Variants in HIBADH observed in about 807,000 individuals in gnomAD.
The protein encoded by HIBADH is 3-hydroxyisobutyrate dehydrogenase, mitochondrial.
In HIBADH, 25 loss-of-function variants were observed where a neutral mutation model predicts 36.1. The observed-to-expected ratio is 0.69, with a 90% CI of 0.50 to 0.97. The LOEUF (loss-of-function observed/expected upper bound fraction) is 0.97. Ranked by LOEUF, HIBADH falls within the 50% of genes least tolerant of loss-of-function variation. The pLI, the probability that HIBADH is intolerant of heterozygous loss-of-function variation, is 0.00. For missense variants in HIBADH, 421 were observed against 418.0 expected (o/e 1.01, Z -0.06); for synonymous variants, 160 against 149.5 (o/e 1.07, Z -0.51).
intron 7 of HIBADH, 76 bp from the exon 8 acceptor site, chr7:27,526,448 G>A: frequency 2.5e-6 from 3 of 1,203,456 alleles, no homozygotes; most frequent in Non-Finnish European, 2.2e-6. Flanking sequence ...CTTATGTTTT[G>A]GTTTGAAAGA....
intron 4 of HIBADH, among the ~76,000 whole-genome samples, chr7:27,579,143 C>A (rs1192271584): frequency 6.6e-6 from 1 of 152,056 alleles, no homozygotes; most frequent in Non-Finnish European, 1.5e-5. Context: ...ATTTGGGGGA[C>A]AACTGAGAAA....
intron 7 of HIBADH, among the ~76,000 whole-genome samples, chr7:27,527,061 T>C (rs112732276): frequency 1.1e-4 from 1 of 9,174 alleles, no homozygotes; most frequent in Non-Finnish European, 1.6e-4. Context: ...TGGCAGACAA[T>C]GTGACAGCAA....
chr7:27,568,223 A>G (rs1470505356), intron 4 of HIBADH, among the ~76,000 whole-genome samples: 6 of 152,192 alleles, frequency 3.9e-5, no homozygotes, highest in Non-Finnish European at 7.3e-5. Flanking sequence ...GGTAAAGCAG[A>G]TCAACTGGAG....
chr7:27,641,319 C>G (rs1277627076), intron 2 of HIBADH, among the ~76,000 whole-genome samples: 1 of 152,208 alleles, frequency 6.6e-6, no homozygotes, highest in Non-Finnish European at 1.5e-5. Context: ...TTTCTGCAAT[C>G]TTGGTGGGGT....
At chr7:27,610,637 C>T (rs575230451) in intron 4 of HIBADH, among the ~76,000 whole-genome samples, 2 of 152,040 alleles carry the variant, frequency 1.3e-5, no homozygotes, top group African/African-American at 4.8e-5. Context: ...TTCTGATAGC[C>T]CTTCCCCCTC....
At chr7:27,593,663 C>T (rs949739599) in intron 4 of HIBADH, among the ~76,000 whole-genome samples, 1 of 151,796 alleles carries the variant, frequency 6.6e-6, no homozygotes, top group African/African-American at 2.4e-5. Context: ...GAAGTATTAA[C>T]CAAATGTTTA....
chr7:27,563,559 A>C (rs567761605), intron 4 of HIBADH, among the ~76,000 whole-genome samples: 1 of 152,356 alleles, frequency 6.6e-6, no homozygotes, highest in South Asian at 2.1e-4. Context: ...ATCAGCACTT[A>C]AACTGTTGTA....
chr7:27,530,302 T>A (rs941289765), intron 7 of HIBADH, among the ~76,000 whole-genome samples: 8 of 151,966 alleles, frequency 5.3e-5, no homozygotes, highest in Admixed American at 5.3e-4. Flanking sequence ...ACCTCCCGGG[T>A]TCAAGCGATT....
At chr7:27,595,592 G>T (rs1051155168) in intron 4 of HIBADH, among the ~76,000 whole-genome samples, 93 of 147,798 alleles carry the variant, frequency 6.3e-4, no homozygotes, top group African/African-American at 2.2e-3. Flanking sequence ...GTGTGTGTGT[G>T]TGTGTGTGTG....
At chr7:27,549,653 G>T (rs528645057) in intron 4 of HIBADH, among the ~76,000 whole-genome samples, 1 of 152,156 alleles carries the variant, frequency 6.6e-6, no homozygotes, top group East Asian at 1.9e-4. Flanking sequence ...CAAAAATAGT[G>T]ACCTTTTTTC....
Position 27,600,414 on chromosome 7 carries a change from T to G in HIBADH, c.484+28957A>C, listed in dbSNP as rs11972463. 7.0e-3 allele frequency among the ~76,000 whole-genome samples: 1,066 copies of G among 152,130 alleles called. 11 individuals carry two copies. Among genetic ancestry groups the G allele is most frequent in the African/African-American group, 0.024 (1,005 of 41,500 alleles). ...ACAACCCACTAAAGGTCTTTGCCAATCCAACCAACCACAGGAAAAGAGTAA... is the reference window on the plus strand; with the variant it reads ...ACAACCCACTAAAGGTCTTTGCCAAGCCAACCAACCACAGGAAAAGAGTAA... On this transcript the variant is annotated intron_variant, in intron 4 of 7. Transcript: ENST00000265395.
At chr7:27,580,811 T>G (rs530215397) in intron 4 of HIBADH, among the ~76,000 whole-genome samples, 31 of 152,248 alleles carry the variant, frequency 2.0e-4, no homozygotes, top group African/African-American at 7.2e-4. Context: ...AAGGAACAAC[T>G]CCTAGAAATT....
At chr7:27,546,799 C>T (rs771774557) in intron 4 of HIBADH, among the ~76,000 whole-genome samples, 1 of 152,136 alleles carries the variant, frequency 6.6e-6, no homozygotes. Context: ...CACAAATGTC[C>T]CTGCTCCTAA....
At chr7:27,576,875 A>T (rs192768167) in intron 4 of HIBADH, among the ~76,000 whole-genome samples, 1 of 152,318 alleles carries the variant, frequency 6.6e-6, no homozygotes, top group East Asian at 1.9e-4. Context: ...CTATCCAATA[A>T]GAAATGAAAT....
intron 2 of HIBADH, among the ~76,000 whole-genome samples, chr7:27,644,487 C>G (rs1786024194): frequency 6.6e-6 from 1 of 151,728 alleles, no homozygotes; most frequent in African/African-American, 2.4e-5. Flanking sequence ...GTAATCCCAG[C>G]TACTCAGGAG....
intron 4 of HIBADH, among the ~76,000 whole-genome samples, chr7:27,567,076 T>A (rs1278011910): frequency 1.3e-5 from 2 of 151,362 alleles, no homozygotes; most frequent in African/African-American, 4.8e-5. Flanking sequence ...TCTTTTATAT[T>A]GTTGTTGATT....
chr7:27,619,875 A>G (rs1467085095), intron 4 of HIBADH, among the ~76,000 whole-genome samples: 3 of 152,222 alleles, frequency 2.0e-5, no homozygotes, highest in Non-Finnish European at 4.4e-5. Context: ...GAGAAAGTGA[A>G]AAGATCAGAA....
chr7:27,610,347 C>T (rs1785302333), intron 4 of HIBADH, among the ~76,000 whole-genome samples: 1 of 152,038 alleles, frequency 6.6e-6, no homozygotes, highest in African/African-American at 2.4e-5. Context: ...TAAACATTTC[C>T]ATCACCTCCA....
chr7:27,583,722 T>G (rs1252396620), intron 4 of HIBADH, among the ~76,000 whole-genome samples: 1 of 152,024 alleles, frequency 6.6e-6, no homozygotes, highest in Non-Finnish European at 1.5e-5. Flanking sequence ...GTTCTTAAAC[T>G]TTTTGGTCTT....
Sources: gnomAD v4.1 joint callset for allele counts (sites outside exome capture counted in the v4.1 genomes callset) on GRCh38, gnomAD v4.1.1 for gene constraint, MANE v1.5 for transcripts, NCBI Gene and HGNC (gene_info 2026-07-23, HGNC 2026-07-21) for gene names.